CD151: variants seen among roughly 807,000 people sequenced by gnomAD.
The protein encoded by CD151 is CD151 molecule (Raph blood group).
In CD151, 20 loss-of-function variants were observed where a neutral mutation model predicts 34.2. The ratio of observed to expected loss-of-function variants is 0.58; its 90% CI spans 0.41 to 0.85. The LOEUF (loss-of-function observed/expected upper bound fraction) is 0.85. Ranked by LOEUF, CD151 falls within the 40% of genes least tolerant of loss-of-function variation. The probability of loss-of-function intolerance (pLI) is 0.00; values close to 1 mark genes in which losing one functional copy is unlikely to be tolerated. For synonymous variants in CD151, 157 were observed against 131.7 expected (o/e 1.19, Z -1.32); for missense variants, 306 against 324.5 (o/e 0.94, Z 0.44).
At chr11:836,711 G>A in intron 4 of CD151, 58 bp from the exon 5 acceptor site, 2 of 1,531,598 alleles carry the variant, frequency 1.3e-6, no homozygotes, top group Non-Finnish European at 1.8e-6. Context: ...GCTCTGAGGT[G>A]CACTAGGTCT....
chr11:837,647 G>C (rs1279998108), intron 7 of CD151, 29 bp downstream of exon 7: 1 of 1,579,542 alleles, frequency 6.3e-7, no homozygotes, highest in Non-Finnish European at 8.6e-7. Flanking sequence ...CATGCCTCCA[G>C]TGTCTACGAG....
chr11:838,236 G>A lies in CD151; in HGVS notation c.*44G>A. The A allele has an allele frequency of 6.6e-7, 1 of 1,521,264 alleles. No individual in the cohort carries two copies. The highest frequency in any genetic ancestry group is 9.1e-7 in the Non-Finnish European group (1 of 1,096,880). The allele number at this position is 1,521,264 out of a possible 1,614,324, so 94.2% of individuals were successfully genotyped here. A position where few individuals can be genotyped will look rare whatever the true frequency, so the allele number is the denominator to read the frequency against. ...TGCTGCTGCACCCAACTACTGAGCT[G>A]AGACCACTGAGTACCAGGGGCTGGG... On this transcript the variant is annotated 3_prime_UTR_variant, in exon 9 of 9. Coordinates refer to ENST00000397420, the MANE Select transcript of CD151 (RefSeq NM_004357.5).
At chr11:836,015 C>A in intron 2 of CD151, 48 bp from the exon 3 acceptor site, 2 of 1,132,514 alleles carry the variant, frequency 1.8e-6, no homozygotes, top group South Asian at 1.2e-5. Flanking sequence ...GTCTCCCAGT[C>A]AGGGGCCCGG....
In CD151 at chr11:836,138, C is replaced by T. The variant is rs781747523; in HGVS notation, c.69C>T (p.Tyr23=). 24 of 1,612,378 alleles carry T rather than the reference C, an allele frequency of 1.5e-5. No individual in the cohort carries two copies. The African/African-American group carries it at 3.2e-4, about 22-fold the overall frequency. The change falls in exon 3 of 9, where the codon TAC becomes TAT. Residue 23 remains tyrosine (Y), a synonymous_variant. Coordinates refer to ENST00000397420, the MANE Select transcript of CD151 (RefSeq NM_004357.5). ...GCCTCAAGTACCTGCTGTTTACCTA[C>T]AATTGCTGCTTCTGGGTGAGGAGGG... ...TVCLKYLLFT[Y]NCCFWLAGLA... is the part of the protein sequence containing the mutation.
chr11:838,507 A>C lies in CD151; in HGVS notation c.*315A>C. On this transcript the variant is annotated 3_prime_UTR_variant, in exon 9 of 9. Transcript: ENST00000397420. ...CCGAGCGTTCCCAGCAGGGGGAGAA[A>C]CCCTTCACACCCCAGGCCCTTCAGG... 2.0e-6 allele frequency: 1 copy of C among 493,928 alleles called. No homozygotes were observed. The highest frequency in any genetic ancestry group is 3.7e-6 in the Non-Finnish European group (1 of 273,560). 30.6% of individuals were successfully genotyped at this position (493,928 alleles called of 1,614,324 possible).
intron 6 of CD151, 37 bp from the exon 7 acceptor site, chr11:837,423 G>GC: frequency 6.2e-7 from 1 of 1,611,786 alleles, no homozygotes; most frequent in Non-Finnish European, 8.5e-7. Context: ...GGAGCCTCTG[G>GC]CCCCAGGTCT....
At chr11:837,177 A>G in intron 5 of CD151, 73 bp from the exon 6 acceptor site, 2 of 1,308,532 alleles carry the variant, frequency 1.5e-6, no homozygotes, top group Non-Finnish European at 2.2e-6. Flanking sequence ...CCCACCGGCC[A>G]TCCTGGGGCT....
intron 1 of CD151, among the ~76,000 whole-genome samples, chr11:833,459 G>A (rs930047386): frequency 6.6e-6 from 1 of 152,230 alleles, no homozygotes; most frequent in African/African-American, 2.4e-5. Context: ...GGGCGGGGTC[G>A]GCGGCGGCGG....
intron 1 of CD151, among the ~76,000 whole-genome samples, chr11:833,597 AACAG>A (rs955274522): frequency 5.9e-5 from 9 of 152,170 alleles, no homozygotes; most frequent in Non-Finnish European, 1.0e-4. Flanking sequence ...CTTGGGGAGG[AACAG>A]ACAACTATTT....
intron 2 of CD151, chr11:835,751 C>G (rs562371669): frequency 4.1e-4 from 123 of 299,268 alleles, no homozygotes; most frequent in South Asian, 7.3e-4. Flanking sequence ...GCAGTGGCAC[C>G]ATCTCGGCTC....
In CD151 at chr11:837,436, A is replaced by C. The variant is rs150709104; in HGVS notation, c.457-24A>C. On this transcript the variant is annotated intron_variant, in intron 6 of 8. Coordinates refer to ENST00000397420, the MANE Select transcript of CD151 (RefSeq NM_004357.5). ...CAGGAGCCTCTGGCCCCAGGTCTCA[A>C]CCCCAGCCTTGTTCTTGATGCAGTT... The C allele has an allele frequency of 1.0e-3, 1,639 of 1,612,084 alleles. 8 individuals are homozygous for C. The Middle Eastern group carries it at 0.017, about 17-fold the overall frequency.
rs1590209385 is a variant in CD151, at chr11:836,095, C to T, written c.26C>T (p.Thr9Ile). 8 of 1,612,628 alleles carry T rather than the reference C, an allele frequency of 5.0e-6. No homozygotes were observed. The highest frequency in any genetic ancestry group is 6.8e-6 in the Non-Finnish European group (8 of 1,179,630). ...ATGGGTGAGTTCAACGAGAAGAAGA[C>T]AACATGTGGCACCGTTTGCCTCAAG... MGEFNEKK[T>I]TCGTVCLKYL... The change falls in exon 3 of 9, where the codon ACA (threonine) becomes ATA (isoleucine). Residue 9 changes from threonine to isoleucine, a missense_variant. Transcript: ENST00000397420.
At chr11:833,141 C>G (rs1469454827) in intron 1 of CD151, 115 bp downstream of exon 1, 1 of 56,502 alleles carries the variant, frequency 1.8e-5, no homozygotes, top group East Asian at 1.1e-3. Flanking sequence ...GCCCCAGCCC[C>G]GGAGGCCCAG....
chr11:836,406 C>T lies in CD151; in HGVS notation c.240C>T (p.Cys80=), dbSNP rs34726520. 1.0e-3 allele frequency: 1,662 copies of T among 1,611,432 alleles called. 8 individuals carry two copies. In the Middle Eastern group the frequency reaches 0.017, roughly 17 times the overall value. The change falls in exon 4 of 9, where the codon TGC becomes TGT. Residue 80 remains cysteine (C), a synonymous_variant. Transcript: ENST00000397420. The part of the protein sequence containing the change: ...VVMVTGVLGC[C]ATFKERRNLL... ...TGGTGACTGGGGTCTTGGGCTGCTG[C>T]GCCACCTTCAAGGAGCGTCGGAACC...
Position 837,295 on chromosome 11 carries a change from C to A in CD151, c.397C>A (p.Arg133Ser). 1 of 1,613,038 alleles carries A rather than the reference C, an allele frequency of 6.2e-7. No homozygotes were observed. Among genetic ancestry groups the A allele is most frequent in the Non-Finnish European group, 8.5e-7 (1 of 1,179,964 alleles). Residue 133 changes from arginine to serine, a missense_variant, in exon 6 of 9, where the codon CGC (arginine) becomes AGC (serine). Arg to Ser is a moderately radical substitution (Grantham distance 110). Transcript: ENST00000397420. ...GAACCTGAAGGACACCATGACCAAG[C>A]GCTACCACCAGCCGGGCCATGAGGC... is the stretch of plus-strand genomic sequence containing the variant. Reference protein sequence around the residue: ...KENLKDTMTKRYHQPGHEAVT... With the variant: ...KENLKDTMTKSYHQPGHEAVT...
Position 836,436 on chromosome 11 carries a change from G to A in CD151, c.270G>A (p.Leu90=), listed in dbSNP as rs772199120. 2 of 1,607,178 alleles carry A rather than the reference G, an allele frequency of 1.2e-6. No individual in the cohort carries two copies. The highest frequency in any genetic ancestry group is 1.7e-6 in the Non-Finnish European group (2 of 1,178,606). Residue 90 remains leucine (L), a synonymous_variant, in exon 4 of 9, where the codon CTG becomes CTA. Coordinates refer to ENST00000397420, the MANE Select transcript of CD151 (RefSeq NM_004357.5). ...CATFKERRNL[L]RLYFILLLII... is the part of the protein sequence containing the mutation. ...CCTTCAAGGAGCGTCGGAACCTGCT[G>A]CGCCTGGTCAGGAGGGCGCAGGGCC...
chr11:833,344 A>C (rs1405740385), intron 1 of CD151, among the ~76,000 whole-genome samples: 1 of 152,068 alleles, frequency 6.6e-6, no homozygotes, highest in Non-Finnish European at 1.5e-5. Flanking sequence ...GGGTCCCGGG[A>C]CGCGCAGCCT....
intron 1 of CD151, among the ~76,000 whole-genome samples, 200 bp downstream of exon 1, chr11:833,226 G>C (rs1335476090): frequency 1.3e-5 from 2 of 151,528 alleles, no homozygotes; most frequent in Admixed American, 6.6e-5. Flanking sequence ...CAGCTCCCTC[G>C]CCTGCCCTTC....
Position 837,279 on chromosome 11 carries a change from G to A in CD151, c.381G>A (p.Lys127=). ...QLNTELKENL[K]DTMTKRYHQP... is the part of the protein sequence containing the mutation. ...ACACGGAGCTCAAGGAGAACCTGAA[G>A]GACACCATGACCAAGCGCTACCACC... The change falls in exon 6 of 9, where the codon AAG becomes AAA. Residue 127 remains lysine, a synonymous_variant. Transcript: ENST00000397420. The A allele has an allele frequency of 1.2e-6, 2 of 1,613,110 alleles. No homozygotes were observed. The highest frequency in any genetic ancestry group is 1.7e-6 in the Non-Finnish European group (2 of 1,179,954).
Sources: gnomAD v4.1 joint callset for allele counts (sites outside exome capture counted in the v4.1 genomes callset) on GRCh38, gnomAD v4.1.1 for gene constraint, MANE v1.5 for transcripts, NCBI Gene and HGNC (gene_info 2026-07-23, HGNC 2026-07-21) for gene names.